ERI2: variants seen among roughly 807,000 people sequenced by gnomAD.
ERI2 encodes ERI1 exoribonuclease 2.
A neutral mutation model predicts 46.8 loss-of-function variants in ERI2; 35 were observed. The ratio of observed to expected loss-of-function variants is 0.75; its 90% CI spans 0.57 to 0.99. The LOEUF (loss-of-function observed/expected upper bound fraction) is 0.99, where lower values mean the gene tolerates loss of function less well. Among genes scored for constraint, ERI2 ranks in the 50% least tolerant of loss-of-function variants. The pLI is 0.00. For missense variants in ERI2, 695 were observed against 796.2 expected, an observed-to-expected ratio of 0.87 and a Z score of 1.53; for synonymous variants, 224 against 271.0, an observed-to-expected ratio of 0.83 and a Z score of 1.70.
At chr16:20,792,732 C>T, downstream of ERI2, 2 of 985,276 alleles carry the variant, frequency 2.0e-6, no homozygotes, top group Non-Finnish European at 2.4e-6. Context: ...AATGGGCTGG[C>T]ATCAGATGTC....
At chr16:20,802,188 A>G (rs2080803087) in intron 4 of ERI2, among the ~76,000 whole-genome samples, 1 of 151,720 alleles carries the variant, frequency 6.6e-6, no homozygotes, top group South Asian at 2.1e-4. Flanking sequence ...TTAAAAATAT[A>G]AAAATTAGCC....
chr16:20,788,112 T>TTTA (rs2080514621), intron 10 of ERI2, among the ~76,000 whole-genome samples: 1 of 152,122 alleles, frequency 6.6e-6, no homozygotes, highest in Admixed American at 6.6e-5. Flanking sequence ...TTATTTATTT[T>TTTA]TTTATTTTTT....
chr16:20,781,786 A>T (rs377065310), intron 10 of ERI2: 1 of 1,603,764 alleles, frequency 6.2e-7, no homozygotes, highest in Non-Finnish European at 8.5e-7. Flanking sequence ...TGATATAACC[A>T]GGTAAGAAAT....
chr16:20,796,609 T>C lies in ERI2; in HGVS notation c.*1115A>G. 1.3e-6 allele frequency: 2 copies of C among 1,537,310 alleles called. No individual in the cohort carries two copies. Among genetic ancestry groups the C allele is most frequent in the Non-Finnish European group, 8.7e-7 (1 of 1,152,178 alleles). On this transcript the variant is annotated 3_prime_UTR_variant, in exon 9 of 9. Coordinates refer to ENST00000357967, the MANE Select transcript of ERI2 (RefSeq NM_001142725.2). ...CTGCACCACATGTCCCAAACTGAAC[T>C]GATGACATATGGGTAAGAATCAGAA...
At chr16:20,784,847 ATGGT>A (rs1359529925) in intron 10 of ERI2, 1 of 811,258 alleles carries the variant, frequency 1.2e-6, no homozygotes, top group African/African-American at 1.7e-5. Flanking sequence ...ATGGGGTAAA[ATGGT>A]TTGTTTTGTG....
intron 1 of ERI2, among the ~76,000 whole-genome samples, chr16:20,804,107 G>T (rs915584820): frequency 2.0e-5 from 3 of 151,004 alleles, no homozygotes; most frequent in Non-Finnish European, 4.4e-5. Context: ...TCCCACCTCA[G>T]CCCCTCAAAG....
At chr16:20,791,486 A>T (rs1596538557), downstream of ERI2, among the ~76,000 whole-genome samples, 1 of 152,236 alleles carries the variant, frequency 6.6e-6, no homozygotes, top group East Asian at 1.9e-4. Context: ...AGATGGAAAC[A>T]TGACTAATCT....
chr16:20,797,837 G>A lies in ERI2; in HGVS notation c.1963C>T (p.His655Tyr), dbSNP rs1348400679. ...KERANSMVPSHSTGGLTFSSP... is the reference protein window; with the variant it reads ...KERANSMVPSYSTGGLTFSSP... The stretch of plus-strand genomic sequence containing the variant: ...CTAAAAGTGAGTCCCCCTGTGGAAT[G>A]AGATGGAACCATGCTGTTGGCTCTT... Residue 655 changes from histidine (H) to tyrosine (Y), a missense_variant, in exon 9 of 9, where the codon CAT (histidine) becomes TAT (tyrosine). Transcript: ENST00000357967. 1 of 1,551,556 alleles carries A rather than the reference G, an allele frequency of 6.4e-7. No homozygotes were observed.
Position 20,802,870 on chromosome 16 carries a change from A to C in ERI2, c.229T>G (p.Phe77Val). 3 of 1,611,590 alleles carry C rather than the reference A, an allele frequency of 1.9e-6. No individual in the cohort carries two copies. The highest frequency in any genetic ancestry group is 2.5e-6 in the Non-Finnish European group (3 of 1,178,120). The stretch of plus-strand genomic sequence containing the variant: ...TCCTGAGGTTGAACATAAGCCTGGA[A>C]CTCAGAGTCAATCTGTCCAGTTGAT... Reference protein sequence around the residue: ...NTSTGQIDSEFQAYVQPQEHP... With the variant: ...NTSTGQIDSEVQAYVQPQEHP... The change falls in exon 4 of 9, where the codon TTC becomes GTC. Residue 77 changes from phenylalanine to valine, a missense_variant. Transcript: ENST00000357967.
chr16:20,786,172 C>G (rs748808411), intron 10 of ERI2: 1 of 1,608,376 alleles, frequency 6.2e-7, no homozygotes, highest in Non-Finnish European at 8.5e-7. Flanking sequence ...TGCACATCCC[C>G]TTCCAGGAGA....
chr16:20,788,392 C>G (rs1471310714), intron 10 of ERI2, among the ~76,000 whole-genome samples: 1 of 152,228 alleles, frequency 6.6e-6, no homozygotes, highest in African/African-American at 2.4e-5. Flanking sequence ...AAGGTACCCC[C>G]ACCTGCTCCC....
chr16:20,781,558 G>A, intron 10 of ERI2: 1 of 711,010 alleles, frequency 1.4e-6, no homozygotes, highest in Admixed American at 2.4e-5. Context: ...AACCAATCCT[G>A]CAGACACTGA....
intron 8 of ERI2, 68 bp downstream of exon 8, chr16:20,799,195 G>A: frequency 3.2e-6 from 5 of 1,575,252 alleles, no homozygotes; most frequent in Non-Finnish European, 4.3e-6. Flanking sequence ...TTAAATCTAC[G>A]TTTCAAAGAA....
At chr16:20,794,859 T>C (rs1186157966), downstream of ERI2, among the ~76,000 whole-genome samples, 1 of 152,242 alleles carries the variant, frequency 6.6e-6, no homozygotes, top group Non-Finnish European at 1.5e-5. Context: ...GAGTTCATAC[T>C]CTTACCCATG....
chr16:20,799,194 C>A, intron 8 of ERI2, 69 bp downstream of exon 8: 4 of 1,573,324 alleles, frequency 2.5e-6, no homozygotes, highest in Non-Finnish European at 3.5e-6. Context: ...ATTAAATCTA[C>A]GTTTCAAAGA....
chr16:20,786,079 T>G, intron 10 of ERI2: 1 of 1,583,280 alleles, frequency 6.3e-7, no homozygotes, highest in South Asian at 1.2e-5. Context: ...CTTAACTAGG[T>G]GCTAATCTGT....
Position 20,797,934 on chromosome 16 carries a change from G to C in ERI2, c.1866C>G (p.Cys622Trp), listed in dbSNP as rs1352079845. The change falls in exon 9 of 9, where the codon TGC becomes TGG. Residue 622 changes from cysteine to tryptophan, a missense_variant. Physicochemically the swap from Cys to Trp is radical, Grantham distance 215. Coordinates refer to ENST00000357967, the MANE Select transcript of ERI2 (RefSeq NM_001142725.2). ...TGTTTTCTTGGTATTTCCCGATAGGGCAACAATAGAAGACTTTTCCATGGT... is the reference window on the plus strand; with the variant it reads ...TGTTTTCTTGGTATTTCCCGATAGGCCAACAATAGAAGACTTTTCCATGGT... Reference protein sequence around the residue: ...GPNHGKVFYCCPIGKYQENRK... With the variant: ...GPNHGKVFYCWPIGKYQENRK... The C allele has an allele frequency of 3.9e-6, 6 of 1,551,690 alleles. No individual in the cohort carries two copies. Among genetic ancestry groups the C allele is most frequent in the African/African-American group, 2.7e-5 (2 of 73,028 alleles).
In ERI2 at chr16:20,800,286, C is replaced by A; in HGVS notation, c.561+16G>T. 1 of 1,536,402 alleles carries A rather than the reference C, an allele frequency of 6.5e-7. No homozygotes were observed. The highest frequency in any genetic ancestry group is 1.2e-5 in the South Asian group (1 of 86,510). ...CCATAGAAAAAAGTAAACATGCCCC[C>A]ATTTTTTACCATTACCTTGTAAGTT... On this transcript the variant is annotated intron_variant, in intron 6 of 8. Coordinates refer to ENST00000357967, the MANE Select transcript of ERI2 (RefSeq NM_001142725.2).
Position 20,797,572 on chromosome 16 carries a change from T to G in ERI2, c.*152A>C, listed in dbSNP as rs902283887. The G allele has an allele frequency of 9.3e-6, 12 of 1,291,340 alleles. No homozygotes were observed. Among genetic ancestry groups the G allele is most frequent in the Non-Finnish European group, 1.2e-5 (12 of 1,021,260 alleles). The allele number at this position is 1,291,340 out of a possible 1,614,324, so 80.0% of individuals were successfully genotyped here. Reference sequence around the variant, plus strand: ...TTATATGTAATCTAATAAATACTGTTTACAAAAGATTACACTTGTGGTTCC... The same window carrying G: ...TTATATGTAATCTAATAAATACTGTGTACAAAAGATTACACTTGTGGTTCC... On this transcript the variant is annotated 3_prime_UTR_variant, in exon 9 of 9. Coordinates refer to ENST00000357967, the MANE Select transcript of ERI2 (RefSeq NM_001142725.2).
Sources: gnomAD v4.1 joint callset for allele counts (sites outside exome capture counted in the v4.1 genomes callset) on GRCh38, gnomAD v4.1.1 for gene constraint, MANE v1.5 for transcripts, NCBI Gene and HGNC (gene_info 2026-07-23, HGNC 2026-07-21) for gene names.